The following DNAH8 variants were observed in gnomAD, a reference collection of about 807,000 sequenced individuals.
DNAH8 encodes the protein axonemal beta dynein heavy chain 8.
DNAH8 carries 382 observed loss-of-function variants against 562.1 expected under a neutral mutation model. The observed-to-expected ratio is 0.68, with a 90% CI of 0.63 to 0.74. The LOEUF is 0.74. DNAH8 is among the 30% of genes least tolerant of loss of function. The pLI is 0.00. For missense variants in DNAH8, 5,203 were observed against 5,620.4 expected, an observed-to-expected ratio of 0.93 and a Z score of 2.37; for synonymous variants, 1,881 against 1,919.4, an observed-to-expected ratio of 0.98 and a Z score of 0.52.
rs16891022 is a variant in DNAH8, at chr6:38,768,908, G to C, written c.1618-1505G>C. On this transcript the variant is annotated intron_variant, in intron 11 of 92. Transcript: ENST00000327475. ...CTAGAGCTTCTCTTGTTATTTTTGGGAATAGGAGTCAGAAATTACTCCCCC... is the reference window on the plus strand; with the variant it reads ...CTAGAGCTTCTCTTGTTATTTTTGGCAATAGGAGTCAGAAATTACTCCCCC... Among the ~76,000 whole-genome samples the C allele has an allele frequency of 0.011, 1,653 of 152,186 alleles. 85 individuals carry two copies. In the East Asian group the frequency reaches 0.15, roughly 13 times the overall value.
At position 38,790,317 on chromosome 6, in the gene DNAH8, C is replaced by T. The variant is rs1769604312; in HGVS notation, c.2693C>T (p.Thr898Ile). ...GAATCTGTGTTGAGGCAAGGACTCA[C>T]AGTGTTAACATGGTCGTCTTTAACA... ...KVESVLRQGL[T>I]VLTWSSLTLE... Residue 898 changes from threonine to isoleucine, a missense_variant, in exon 20 of 93, where the codon ACA (threonine) becomes ATA (isoleucine). By Grantham distance (89) the Thr-to-Ile change is moderately conservative (BLOSUM62 -1). Around this residue, in one of 6 missense-constraint regions of DNAH8, gnomAD observed 2,176 missense variants for 2,365.1 expected, o/e 0.92. Transcript: ENST00000327475. 2 of 1,608,016 alleles carry T rather than the reference C, an allele frequency of 1.2e-6. No homozygotes were observed. The highest frequency in any genetic ancestry group is 4.5e-5 in the East Asian group (2 of 44,782).
intron 8 of DNAH8, among the ~76,000 whole-genome samples, chr6:38,742,993 A>ATGTTGTTGT (rs144662466): frequency 0.018 from 2,359 of 133,798 alleles, 104 homozygotes; most frequent in Non-Finnish European, 0.026. Context: ...TTCCAAAAAA[A>ATGTTGTTGT]TGTTGTTGTT....
At chr6:38,809,376 A>G (rs1207244197) in intron 24 of DNAH8, among the ~76,000 whole-genome samples, 1 of 152,114 alleles carries the variant, frequency 6.6e-6, no homozygotes, top group Non-Finnish European at 1.5e-5. Context: ...TTTGACCTTT[A>G]TATTTAGGGT....
intron 21 of DNAH8, 151 bp downstream of exon 21, chr6:38,791,825 C>A: frequency 1.3e-6 from 1 of 746,140 alleles, no homozygotes; most frequent in Non-Finnish European, 2.1e-6. Flanking sequence ...CAAGGACTTT[C>A]ATGCCTTCAA....
intron 69 of DNAH8, 148 bp downstream of exon 69, chr6:38,917,554 A>ACATTTT: frequency 1.4e-6 from 1 of 711,252 alleles, no homozygotes; most frequent in Non-Finnish European, 2.3e-6. Context: ...CTAAAATGTA[A>ACATTTT]AGAGGGATAG....
chr6:38,886,692 T>C (rs566625852), intron 56 of DNAH8, 99 bp from the exon 57 acceptor site: 2 of 955,120 alleles, frequency 2.1e-6, no homozygotes, highest in African/African-American at 3.3e-5. Flanking sequence ...TTGATAAGAG[T>C]TTAATGTTTT....
At chr6:38,927,431 A>G (rs764668812) in intron 74 of DNAH8, among the ~76,000 whole-genome samples, 1 of 152,224 alleles carries the variant, frequency 6.6e-6, no homozygotes, top group Non-Finnish European at 1.5e-5. Flanking sequence ...ACATCAGTCT[A>G]TGTTTACTAA....
chr6:38,761,180 T>C (rs1766465111), intron 10 of DNAH8, among the ~76,000 whole-genome samples: 1 of 150,690 alleles, frequency 6.6e-6, no homozygotes, highest in African/African-American at 2.4e-5. Flanking sequence ...TACATATGTA[T>C]ACATGTGCCA....
chr6:38,810,366 C>CGA (rs1771685638), intron 24 of DNAH8, among the ~76,000 whole-genome samples: 1 of 152,076 alleles, frequency 6.6e-6, no homozygotes, highest in East Asian at 1.9e-4. Flanking sequence ...CCGAGGCAGG[C>CGA]GAATCACTTG....
intron 85 of DNAH8, among the ~76,000 whole-genome samples, chr6:38,975,867 A>G (rs1763634580): frequency 6.6e-6 from 1 of 152,188 alleles, no homozygotes; most frequent in Non-Finnish European, 1.5e-5. Context: ...CAACTCTTCC[A>G]CTGTGCTTAT....
intron 88 of DNAH8, among the ~76,000 whole-genome samples, chr6:38,995,776 C>T (rs1226481057): frequency 6.6e-6 from 1 of 152,212 alleles, no homozygotes; most frequent in African/African-American, 2.4e-5. Flanking sequence ...GGACATAACA[C>T]TAGCTCTGTA....
intron 1 of DNAH8, among the ~76,000 whole-genome samples, chr6:38,717,572 T>C (rs1762434883): frequency 6.6e-6 from 1 of 151,772 alleles, no homozygotes; most frequent in Non-Finnish European, 1.5e-5. Flanking sequence ...CTCAGGAGTT[T>C]GTATGTTACA....
chr6:38,775,631 C>G (rs114878846), intron 12 of DNAH8, 123 bp from the exon 13 acceptor site: 4 of 631,910 alleles, frequency 6.3e-6, no homozygotes, highest in Non-Finnish European at 8.2e-6. Flanking sequence ...TTGGTTTTAG[C>G]GAAATTATTC....
chr6:38,867,811 G>C (rs1432626385), intron 47 of DNAH8, among the ~76,000 whole-genome samples: 1 of 150,140 alleles, frequency 6.7e-6, no homozygotes, highest in Non-Finnish European at 1.5e-5. Context: ...GACTGTATCA[G>C]ACTATATTAT....
At chr6:38,720,757 G>C (rs1409460759) in intron 1 of DNAH8, among the ~76,000 whole-genome samples, 1 of 152,006 alleles carries the variant, frequency 6.6e-6, no homozygotes, top group African/African-American at 2.4e-5. Flanking sequence ...AGAAACCAGT[G>C]ACTAACCCTA....
chr6:38,861,919 A>G lies in DNAH8; in HGVS notation c.6132-361A>G, dbSNP rs374916139. ...CATTGACCACAGTGGAAGAATTTAT[A>G]CAATAGATATTGGCAAACATGAAAA... On this transcript the variant is annotated intron_variant, in intron 43 of 92. Transcript: ENST00000327475. Among the ~76,000 whole-genome samples, 21 of 150,994 alleles carry G rather than the reference A, an allele frequency of 1.4e-4. 1 individual carries two copies. The East Asian group carries it at 2.3e-3, about 17-fold the overall frequency.
intron 1 of DNAH8, among the ~76,000 whole-genome samples, chr6:38,717,558 T>C (rs1379108433): frequency 2.0e-5 from 3 of 151,818 alleles, no homozygotes. Flanking sequence ...CTCCTGAGCT[T>C]GAGCTCAGGA....
intron 91 of DNAH8, among the ~76,000 whole-genome samples, chr6:39,013,251 A>T (rs1460941378): frequency 6.6e-6 from 1 of 152,266 alleles, no homozygotes; most frequent in Non-Finnish European, 1.5e-5. Context: ...TTACTAAAAT[A>T]TGGATAGTTT....
intron 82 of DNAH8, among the ~76,000 whole-genome samples, chr6:38,958,570 C>T (rs757679909): frequency 1.4e-4 from 19 of 138,192 alleles, no homozygotes; most frequent in Non-Finnish European, 2.3e-4. Context: ...CCTACCAAGA[C>T]TGAATTATGA....
Sources: allele counts gnomAD v4.1 joint callset (sites outside exome capture counted in the v4.1 genomes callset), GRCh38; gene constraint gnomAD v4.1.1; regional missense constraint gnomAD v4.1.1; transcripts MANE v1.5; gene names NCBI Gene and HGNC (gene_info 2026-07-23, HGNC 2026-07-21).